Variants in OCRL observed in about 807,000 individuals in gnomAD.
The protein encoded by OCRL is inositol polyphosphate 5-phosphatase OCRL.
In OCRL, 8 loss-of-function variants were observed where a neutral mutation model predicts 78.9. The ratio of observed to expected loss-of-function variants is 0.10; its 90% CI spans 0.06 to 0.18. The LOEUF (loss-of-function observed/expected upper bound fraction) is 0.18. Ranked by LOEUF, OCRL falls within the 10% of genes least tolerant of loss-of-function variation. The pLI is 1.00. For missense variants in OCRL, 454 were observed against 696.7 expected, an observed-to-expected ratio of 0.65 and a Z score of 3.92; for synonymous variants, 240 against 235.4, an observed-to-expected ratio of 1.02 and a Z score of -0.18.
At chrX:129,582,091 C>T (rs1158167496) in intron 18 of OCRL, among the ~76,000 whole-genome samples, 1 of 109,408 alleles carries the variant, frequency 9.1e-6, no homozygotes, top group Non-Finnish European at 1.9e-5. Flanking sequence ...TGGCATTCTC[C>T]ATGCCCCCCA....
chrX:129,541,060 C>T (rs1287734703), intron 2 of OCRL, among the ~76,000 whole-genome samples: 1 of 112,090 alleles, frequency 8.9e-6, no homozygotes, highest in African/African-American at 3.2e-5. Context: ...AAGCAGGAAG[C>T]CTGGGTTCTT....
chrX:129,547,595 T>C (rs1181242833), intron 3 of OCRL, among the ~76,000 whole-genome samples: 1 of 109,810 alleles, frequency 9.1e-6, no homozygotes. Flanking sequence ...TAAAAGTTAA[T>C]GAAGAACAGT....
intron 12 of OCRL, among the ~76,000 whole-genome samples, chrX:129,564,660 G>T (rs1319807452): frequency 9.3e-6 from 1 of 108,007 alleles, no homozygotes; most frequent in Non-Finnish European, 1.9e-5. Context: ...TCATAGGTGG[G>T]AATTGAACAA....
chrX:129,571,622 G>A (rs1032105039), intron 15 of OCRL, among the ~76,000 whole-genome samples: 1 of 110,389 alleles, frequency 9.1e-6, no homozygotes, highest in African/African-American at 3.3e-5. Context: ...ATGAGCCACC[G>A]CTCGCAGCCA....
chrX:129,571,292 C>T (rs1451517399), intron 15 of OCRL, among the ~76,000 whole-genome samples: 1 of 109,305 alleles, frequency 9.1e-6, no homozygotes, highest in East Asian at 2.8e-4. Flanking sequence ...TCAGGTATGC[C>T]TGGCTTTTTT....
chrX:129,565,486 T>C (rs1443675408), intron 12 of OCRL, among the ~76,000 whole-genome samples: 1 of 112,145 alleles, frequency 8.9e-6, no homozygotes, highest in African/African-American at 3.2e-5. Context: ...ATAAACTGCA[T>C]GCTTCTCAGT....
At chrX:129,554,955 A>AT (rs1446774924) in intron 4 of OCRL, among the ~76,000 whole-genome samples, 6 of 62,743 alleles carry the variant, frequency 9.6e-5, no homozygotes, top group South Asian at 1.0e-3. Context: ...CTCAAAATAA[A>AT]TAAATAAATA....
At chrX:129,578,546 T>C (rs1445318676) in intron 18 of OCRL, among the ~76,000 whole-genome samples, 1 of 110,201 alleles carries the variant, frequency 9.1e-6, no homozygotes, top group African/African-American at 3.3e-5. Flanking sequence ...AGTGAAGATA[T>C]TAGAATATCT....
intron 2 of OCRL, among the ~76,000 whole-genome samples, chrX:129,543,650 TTCTA>T (rs1253012154): frequency 1.8e-5 from 2 of 113,141 alleles, no homozygotes; most frequent in Non-Finnish European, 3.7e-5. Flanking sequence ...TTTCCCTTAG[TTCTA>T]TCTAAGTAAT....
At chrX:129,550,763 A>G (rs1935948625) in intron 4 of OCRL, among the ~76,000 whole-genome samples, 1 of 111,120 alleles carries the variant, frequency 9.0e-6, no homozygotes. Context: ...CTTAATATCT[A>G]TAAATAATAA....
chrX:129,572,663 G>T (rs961418328), intron 15 of OCRL, among the ~76,000 whole-genome samples: 1 of 112,309 alleles, frequency 8.9e-6, no homozygotes, highest in African/African-American at 3.2e-5. Context: ...CTAGGATAGG[G>T]TTCCAACCCT....
intron 3 of OCRL, among the ~76,000 whole-genome samples, chrX:129,548,160 G>A (rs1191648661): frequency 8.9e-6 from 1 of 111,954 alleles, no homozygotes; most frequent in African/African-American, 3.3e-5. Flanking sequence ...TGGGCTTTCA[G>A]GGTCACTTCC....
intron 4 of OCRL, among the ~76,000 whole-genome samples, chrX:129,552,491 C>G (rs1363772533): frequency 7.1e-5 from 8 of 111,928 alleles, no homozygotes; most frequent in Non-Finnish European, 1.5e-4. Context: ...GTGGCGCGAT[C>G]TCAGCTCACT....
At chrX:129,575,093 T>C (rs1936351474) in intron 15 of OCRL, 47 bp from the exon 16 acceptor site, 1 of 893,020 alleles carries the variant, frequency 1.1e-6, no homozygotes, top group African/African-American at 2.0e-5. Context: ...CCAAGGGAGA[T>C]GAGCTAGAAG....
chrX:129,581,863 C>G (rs771675887), intron 18 of OCRL, among the ~76,000 whole-genome samples: 5 of 93,080 alleles, frequency 5.4e-5, no homozygotes, highest in Non-Finnish European at 8.1e-5. Flanking sequence ...CTCTCTCTCT[C>G]TCTGTCTCTG....
Position 129,557,842 on chromosome X carries a change from A to G in OCRL, c.350-19A>G. The G allele has an allele frequency of 9.0e-7, 1 of 1,114,518 alleles. No homozygotes were observed. Among genetic ancestry groups the G allele is most frequent in the Non-Finnish European group, 1.2e-6 (1 of 806,617 alleles). The allele number at this position is 1,114,518 out of a possible 1,213,427, so 91.8% of individuals were successfully genotyped here. ...GTGAAAGACTTCCCAGTTTCTGACCATGAACCTTATCTCTCTAGCTCAGTC... is the reference window on the plus strand; with the variant it reads ...GTGAAAGACTTCCCAGTTTCTGACCGTGAACCTTATCTCTCTAGCTCAGTC... On this transcript the variant is annotated intron_variant, in intron 5 of 23. Transcript: ENST00000371113.
intron 3 of OCRL, among the ~76,000 whole-genome samples, chrX:129,546,705 T>A (rs768300258): frequency 9.0e-6 from 1 of 111,669 alleles, no homozygotes; most frequent in African/African-American, 3.3e-5. Flanking sequence ...TAAATTAATA[T>A]CCTATTAGCT....
At chrX:129,540,655 G>GGT (rs1345370826) in intron 1 of OCRL, 89 bp from the exon 2 acceptor site, 1 of 565,589 alleles carries the variant, frequency 1.8e-6, no homozygotes, top group African/African-American at 5.1e-5. Flanking sequence ...GGGCGGCGGT[G>GGT]GGGGGGGGGT....
intron 4 of OCRL, among the ~76,000 whole-genome samples, chrX:129,551,164 C>T (rs1439903285): frequency 9.0e-6 from 1 of 111,406 alleles, no homozygotes; most frequent in East Asian, 2.8e-4. Context: ...TTCTATTTCT[C>T]AGGCACTTTT....
Sources: gnomAD v4.1 joint callset for allele counts (sites outside exome capture counted in the v4.1 genomes callset) on GRCh38, gnomAD v4.1.1 for gene constraint, MANE v1.5 for transcripts, NCBI Gene and HGNC (gene_info 2026-07-23, HGNC 2026-07-21) for gene names.